Variants in CTNND2 observed in about 807,000 individuals in gnomAD.
CTNND2 encodes the protein catenin delta 2, also known as catenin delta-2.
Under a neutral mutation model 144.4 loss-of-function variants are expected in CTNND2, and 22 were observed. The observed-to-expected ratio is 0.15, with a 90% CI of 0.11 to 0.22. CTNND2 has a LOEUF of 0.22. Among genes scored for constraint, CTNND2 ranks in the 10% least tolerant of loss-of-function variants. CTNND2 has a pLI of 1.00. For missense variants in CTNND2, 1,353 were observed against 1,618.8 expected (o/e 0.84, Z 2.82); for synonymous variants, 751 against 695.6 (o/e 1.08, Z -1.25).
chr5:11,181,364 T>C (rs72730928), intron 11 of CTNND2, among the ~76,000 whole-genome samples: 23,270 of 152,084 alleles, frequency 0.15, 2,258 homozygotes, highest in Middle Eastern at 0.23. Flanking sequence ...ATAGCTGCAG[T>C]CTCCTGGGGG....
At chr5:11,780,966 C>T (rs1407454423) in intron 1 of CTNND2, among the ~76,000 whole-genome samples, 4 of 152,134 alleles carry the variant, frequency 2.6e-5, no homozygotes, top group East Asian at 1.9e-4. Context: ...TTTATTTACC[C>T]GATAAAGTGC....
intron 10 of CTNND2, among the ~76,000 whole-genome samples, chr5:11,233,221 G>C (rs1225167891): frequency 6.6e-6 from 1 of 152,136 alleles, no homozygotes; most frequent in Non-Finnish European, 1.5e-5. Flanking sequence ...GGAAAAGCCA[G>C]GGATGAGGAT....
intron 1 of CTNND2, among the ~76,000 whole-genome samples, chr5:11,855,089 G>C (rs530739517): frequency 2.6e-5 from 4 of 152,296 alleles, no homozygotes; most frequent in Non-Finnish European, 5.9e-5. Flanking sequence ...ACGGTTACTT[G>C]GGTTTTTGCA....
intron 3 of CTNND2, among the ~76,000 whole-genome samples, chr5:11,446,828 G>A (rs139073975): frequency 2.0e-5 from 3 of 152,232 alleles, no homozygotes; most frequent in African/African-American, 4.8e-5. Context: ...CAAGGGGGCC[G>A]TGGATAAAAG....
chr5:11,300,381 G>A (rs1749463770), intron 9 of CTNND2, among the ~76,000 whole-genome samples: 1 of 152,080 alleles, frequency 6.6e-6, no homozygotes, highest in Non-Finnish European at 1.5e-5. Flanking sequence ...GTCCTCAATG[G>A]GCCTGGTCAC....
intron 7 of CTNND2, among the ~76,000 whole-genome samples, chr5:11,378,227 A>G (rs1395694346): frequency 6.6e-6 from 1 of 152,186 alleles, no homozygotes; most frequent in Non-Finnish European, 1.5e-5. Flanking sequence ...GGATGACACA[A>G]TGCACTATGC....
rs1491259590 is a variant in CTNND2, at chr5:11,240,384, ACT to A, written c.1629-3563_1629-3562del. Among the ~76,000 whole-genome samples the A allele has an allele frequency of 9.3e-5, 8 of 85,912 alleles. 1 individual carries two copies. Among genetic ancestry groups the A allele is most frequent in the Non-Finnish European group, 1.6e-4 (7 of 43,720 alleles). The allele number at this position is 85,912 out of a possible 152,430, so 56.4% of individuals were successfully genotyped here. On this transcript the variant is annotated intron_variant, in intron 9 of 21. Coordinates refer to ENST00000304623, the MANE Select transcript of CTNND2 (RefSeq NM_001332.4). ...TCACACACACCCAACACACACATAC[ACT>A]CACACACCCAACACACACACCCACA...
chr5:11,185,048 T>A (rs1003615217), intron 11 of CTNND2, among the ~76,000 whole-genome samples: 1 of 152,182 alleles, frequency 6.6e-6, no homozygotes, highest in African/African-American at 2.4e-5. Context: ...CAGTTCTCAA[T>A]CCATTCTTAT....
chr5:11,591,929 T>C (rs759870615), intron 2 of CTNND2, among the ~76,000 whole-genome samples: 4 of 152,066 alleles, frequency 2.6e-5, no homozygotes, highest in Non-Finnish European at 5.9e-5. Context: ...ATTCTAAGTA[T>C]GAAAAAAAGT....
intron 2 of CTNND2, among the ~76,000 whole-genome samples, chr5:11,614,951 G>A (rs1430527367): frequency 4.6e-5 from 7 of 152,088 alleles, no homozygotes; most frequent in African/African-American, 1.4e-4. Flanking sequence ...CAATTAAAAT[G>A]GGCAATGATG....
intron 16 of CTNND2, among the ~76,000 whole-genome samples, chr5:11,026,461 G>A (rs762084600): frequency 1.1e-4 from 16 of 147,886 alleles, no homozygotes; most frequent in Middle Eastern, 3.5e-3. Context: ...GGGTTCAAGC[G>A]ATTCTTCTGC....
chr5:11,049,161 T>G (rs1745579744), intron 16 of CTNND2, among the ~76,000 whole-genome samples: 1 of 152,154 alleles, frequency 6.6e-6, no homozygotes, highest in South Asian at 2.1e-4. Flanking sequence ...GGATGGGCAT[T>G]TCAAGGAGCT....
At chr5:11,310,003 G>C (rs575191546) in intron 9 of CTNND2, among the ~76,000 whole-genome samples, 1 of 152,190 alleles carries the variant, frequency 6.6e-6, no homozygotes, top group South Asian at 2.1e-4. Flanking sequence ...TTCCTATACA[G>C]CCTGCAGAAC....
At chr5:11,837,082 G>A (rs1287105921) in intron 1 of CTNND2, among the ~76,000 whole-genome samples, 1 of 152,166 alleles carries the variant, frequency 6.6e-6, no homozygotes. Context: ...TTCTGACTTT[G>A]GTTCAACCAC....
At chr5:11,050,797 C>T (rs1745751072) in intron 16 of CTNND2, among the ~76,000 whole-genome samples, 1 of 152,182 alleles carries the variant, frequency 6.6e-6, no homozygotes, top group African/African-American at 2.4e-5. Context: ...GAAAGCTTCC[C>T]TAGTTTTTGT....
At chr5:10,976,173 T>C (rs1561106144) in intron 21 of CTNND2, among the ~76,000 whole-genome samples, 1 of 101,024 alleles carries the variant, frequency 9.9e-6, no homozygotes, top group African/African-American at 3.4e-5. Flanking sequence ...TCTTGTGGTA[T>C]CTTGTGGTAT....
Position 11,284,167 on chromosome 5 carries a change from C to T in CTNND2, c.1629-47344G>A, listed in dbSNP as rs534074432. 1.9e-4 allele frequency among the ~76,000 whole-genome samples: 29 copies of T among 152,272 alleles called. No homozygotes were observed. The East Asian group carries it at 2.1e-3, about 11-fold the overall frequency. On this transcript the variant is annotated intron_variant, in intron 9 of 21. Transcript: ENST00000304623. ...GTGAATTCTTCAGCCACATGGAGAG[C>T]GTGAGGCACCATCTGACAGCACTCC...
chr5:11,284,995 G>A (rs1323238666), intron 9 of CTNND2, among the ~76,000 whole-genome samples: 2 of 152,152 alleles, frequency 1.3e-5, no homozygotes, highest in Non-Finnish European at 2.9e-5. Context: ...GTTCCTATAA[G>A]CCTTCTTCTC....
At chr5:11,082,573 G>T in intron 16 of CTNND2, 123 bp downstream of exon 16, 1 of 1,123,706 alleles carries the variant, frequency 8.9e-7, no homozygotes, top group Non-Finnish European at 1.3e-6. Flanking sequence ...AAAAAATGAG[G>T]CTGCTAATAA....
Sources: allele counts gnomAD v4.1 joint callset (sites outside exome capture counted in the v4.1 genomes callset), GRCh38; gene constraint gnomAD v4.1.1; transcripts MANE v1.5; gene names NCBI Gene and HGNC (gene_info 2026-07-23, HGNC 2026-07-21).